Variants in CFTR observed in about 807,000 individuals in gnomAD.
CFTR encodes the protein CF transmembrane conductance regulator.
A neutral mutation model predicts 171.6 loss-of-function variants in CFTR; 181 were observed. That is an observed-to-expected ratio of 1.05 (90% confidence interval 0.93 to 1.19). CFTR has a LOEUF of 1.19. CFTR is among the 50% of genes most tolerant of loss of function. The pLI, the probability that CFTR is intolerant of heterozygous loss-of-function variation, is 0.00. For synonymous variants in CFTR, 583 were observed against 608.0 expected (o/e 0.96, Z 0.60); for missense variants, 1,968 against 1,734.7 (o/e 1.13, Z -2.39).
chr7:117,608,634 T>C (rs192020248), intron 18 of CFTR, among the ~76,000 whole-genome samples: 1 of 152,336 alleles, frequency 6.6e-6, no homozygotes, highest in East Asian at 1.9e-4. Flanking sequence ...AAGCATAATA[T>C]ATGACAATCC....
At position 117,576,494 on chromosome 7, in the gene CFTR, G is replaced by T. The variant is rs35531523; in HGVS notation, c.1585-11245G>T. 5.4e-3 allele frequency among the ~76,000 whole-genome samples: 821 copies of T among 152,096 alleles called. 6 individuals are homozygous for T. Among genetic ancestry groups the T allele is most frequent in the African/African-American group, 0.019 (769 of 41,514 alleles). ...GGGTCTTGAGCATTCATGGATTTTG[G>T]TATCCACAGAGAGTCCTGGAACCAA... On this transcript the variant is annotated intron_variant, in intron 11 of 26. Coordinates refer to ENST00000003084, the MANE Select transcript of CFTR (RefSeq NM_000492.4).
intron 10 of CFTR, among the ~76,000 whole-genome samples, chr7:117,557,737 T>G (rs2115932139): frequency 6.6e-6 from 1 of 152,282 alleles, no homozygotes; most frequent in Middle Eastern, 3.4e-3. Flanking sequence ...CTTTATGCAC[T>G]CTTTGCTTTA....
In CFTR at chr7:117,667,017, C is replaced by T; in HGVS notation, c.4352C>T (p.Pro1451Leu). The change falls in exon 27 of 27, where the codon CCC (proline) becomes CTC (leucine). Residue 1451 changes from proline to leucine, a missense_variant. Physicochemically the swap from Pro to Leu is moderately conservative, Grantham distance 98 (BLOSUM62 -3). Transcript: ENST00000003084. ...CCCTCCGACAGGGTGAAGCTCTTTC[C>T]CCACCGGAACTCAAGCAAGTGCAAG... Reference protein sequence around the residue: ...ISPSDRVKLFPHRNSSKCKSK... With the variant: ...ISPSDRVKLFLHRNSSKCKSK... 1 of 1,613,992 alleles carries T rather than the reference C, an allele frequency of 6.2e-7. No individual in the cohort carries two copies.
chr7:117,489,308 G>A (rs1208484794), intron 1 of CFTR, among the ~76,000 whole-genome samples: 1 of 152,012 alleles, frequency 6.6e-6, no homozygotes, highest in Non-Finnish European at 1.5e-5. Context: ...CTTTAATTAC[G>A]ATGCTGAAGA....
rs181597202 is a variant in CFTR, at chr7:117,581,207, T to A, written c.1585-6532T>A. Among the ~76,000 whole-genome samples the A allele has an allele frequency of 4.3e-3, 649 of 152,272 alleles. 8 individuals are homozygous for A. Among genetic ancestry groups the A allele is most frequent in the Middle Eastern group, 0.014 (4 of 294 alleles). On this transcript the variant is annotated intron_variant, in intron 11 of 26. Coordinates refer to ENST00000003084, the MANE Select transcript of CFTR (RefSeq NM_000492.4). ...CACCCTTAAGAATCCTAGCCTTTAGTTTAAAATCACATGGCTACATACATA... is the reference window on the plus strand; with the variant it reads ...CACCCTTAAGAATCCTAGCCTTTAGATTAAAATCACATGGCTACATACATA...
intron 10 of CFTR, among the ~76,000 whole-genome samples, chr7:117,549,038 C>A (rs1170643353): frequency 1.3e-5 from 2 of 152,172 alleles, no homozygotes; most frequent in African/African-American, 4.8e-5. Context: ...CTTTTTCTTC[C>A]ACATCTTTAT....
chr7:117,530,844 G>T, intron 3 of CFTR, 55 bp from the exon 4 acceptor site: 4 of 1,188,018 alleles, frequency 3.4e-6, no homozygotes, highest in East Asian at 4.8e-5. Flanking sequence ...AAATTCTCAG[G>T]GTATTTTATG....
rs1279002395 is a variant in CFTR, at chr7:117,668,285, G to T, written c.*1177G>T. The T allele has an allele frequency of 6.6e-6, 1 of 152,184 alleles. No homozygotes were observed. The highest frequency in any genetic ancestry group is 2.4e-5 in the African/African-American group (1 of 41,526). 9.4% of individuals were successfully genotyped at this position (152,184 alleles called of 1,614,324 possible). On this transcript the variant is annotated 3_prime_UTR_variant, in exon 27 of 27. Transcript: ENST00000003084. ...TATATAACAATGCTGTATTTTAAAAGAATGATTATGAATTACATTTGTATA... is the reference window on the plus strand; with the variant it reads ...TATATAACAATGCTGTATTTTAAAATAATGATTATGAATTACATTTGTATA...
chr7:117,557,662 A>C (rs1799382337), intron 10 of CFTR, among the ~76,000 whole-genome samples: 1 of 152,152 alleles, frequency 6.6e-6, no homozygotes, highest in East Asian at 1.9e-4. Context: ...TATGTCTAAC[A>C]TGAAAATTAT....
chr7:117,549,637 G>T (rs954390573), intron 10 of CFTR, among the ~76,000 whole-genome samples: 1 of 152,180 alleles, frequency 6.6e-6, no homozygotes, highest in Admixed American at 6.5e-5. Context: ...ATAGGTATTT[G>T]CTTCAGAAGT....
intron 21 of CFTR, 119 bp downstream of exon 21, chr7:117,614,832 A>C (rs1792460492): frequency 1.4e-6 from 1 of 708,306 alleles, no homozygotes; most frequent in Middle Eastern, 3.5e-4. Context: ...AAAACATTAC[A>C]GATAAATTGA....
At chr7:117,586,732 G>C (rs891424639) in intron 11 of CFTR, among the ~76,000 whole-genome samples, 5 of 151,812 alleles carry the variant, frequency 3.3e-5, no homozygotes, top group African/African-American at 1.2e-4. Flanking sequence ...AGGAGGAGGT[G>C]GAAACGAATG....
chr7:117,500,681 C>T (rs1276980465), intron 1 of CFTR, among the ~76,000 whole-genome samples: 2 of 152,142 alleles, frequency 1.3e-5, no homozygotes, highest in South Asian at 4.1e-4. Context: ...TGTTGGGCAG[C>T]ATAAGCTTAA....
intron 9 of CFTR, among the ~76,000 whole-genome samples, chr7:117,542,809 G>A (rs1013602869): frequency 2.6e-5 from 4 of 152,132 alleles, no homozygotes; most frequent in African/African-American, 9.7e-5. Flanking sequence ...TACCTTGCAA[G>A]TTTGTTGTGA....
At chr7:117,553,753 A>G (rs1184953936) in intron 10 of CFTR, among the ~76,000 whole-genome samples, 2 of 152,206 alleles carry the variant, frequency 1.3e-5, no homozygotes, top group Non-Finnish European at 2.9e-5. Flanking sequence ...CTCATTAGGA[A>G]AATGTACAAA....
chr7:117,651,317 A>G (rs1793086732), intron 23 of CFTR, among the ~76,000 whole-genome samples: 2 of 152,202 alleles, frequency 1.3e-5, no homozygotes, highest in Non-Finnish European at 2.9e-5. Flanking sequence ...AAAAAAGCAA[A>G]TGGAAAAATT....
At chr7:117,658,475 G>A (rs1436095864) in intron 24 of CFTR, among the ~76,000 whole-genome samples, 2 of 152,120 alleles carry the variant, frequency 1.3e-5, no homozygotes, top group African/African-American at 4.8e-5. Context: ...GAAATTTCAT[G>A]TGTCCTTTTG....
chr7:117,665,604 G>C (rs1793362347), intron 26 of CFTR, 40 bp downstream of exon 26: 1 of 1,216,182 alleles, frequency 8.2e-7, no homozygotes, highest in Non-Finnish European at 1.2e-6. Flanking sequence ...CATTGCCCTT[G>C]TAATTCTTGA....
intron 2 of CFTR, among the ~76,000 whole-genome samples, chr7:117,506,190 T>TCA (rs1481101621): frequency 5.3e-5 from 8 of 152,176 alleles, no homozygotes; most frequent in Non-Finnish European, 1.0e-4. Flanking sequence ...CCATTGCAGG[T>TCA]ATATTGACAA....
Sources: allele counts gnomAD v4.1 joint callset (sites outside exome capture counted in the v4.1 genomes callset), GRCh38; gene constraint gnomAD v4.1.1; transcripts MANE v1.5; gene names NCBI Gene and HGNC (gene_info 2026-07-23, HGNC 2026-07-21).